EXOC2: variants seen among roughly 807,000 people sequenced by gnomAD.
EXOC2 encodes the protein exocyst complex component 2.
Under a neutral mutation model 131.8 loss-of-function variants are expected in EXOC2, and 70 were observed. That is an observed-to-expected ratio of 0.53 (90% CI 0.44 to 0.65). The LOEUF is 0.65. EXOC2 is among the 30% of genes least tolerant of loss of function. The pLI is 0.00. For synonymous variants in EXOC2, 411 were observed against 398.4 expected, an observed-to-expected ratio of 1.03 and a Z score of -0.38; for missense variants, 923 against 1,108.6, an observed-to-expected ratio of 0.83 and a Z score of 2.38.
chr6:560,809 G>C (rs1757659561), intron 17 of EXOC2, among the ~76,000 whole-genome samples: 1 of 151,756 alleles, frequency 6.6e-6, no homozygotes, highest in East Asian at 1.9e-4. Context: ...CCGGGTTCAA[G>C]TGATTCCCCT....
intron 13 of EXOC2, among the ~76,000 whole-genome samples, chr6:565,255 T>C (rs1201370378): frequency 6.6e-6 from 1 of 152,222 alleles, no homozygotes; most frequent in Non-Finnish European, 1.5e-5. Flanking sequence ...TCAGGTATCA[T>C]ACCCACGACA....
chr6:587,519 C>G (rs889646412), intron 11 of EXOC2, among the ~76,000 whole-genome samples: 1 of 152,244 alleles, frequency 6.6e-6, no homozygotes, highest in Admixed American at 6.5e-5. Flanking sequence ...GCTGGGATTA[C>G]AGGCGTGAGC....
intron 4 of EXOC2, among the ~76,000 whole-genome samples, chr6:628,243 G>A (rs1395161270): frequency 6.6e-6 from 1 of 152,190 alleles, no homozygotes; most frequent in Non-Finnish European, 1.5e-5. Flanking sequence ...AGTTCAAATT[G>A]AGAGAGTTTT....
At chr6:492,664 T>G (rs762496082) in intron 25 of EXOC2, among the ~76,000 whole-genome samples, 27 of 152,220 alleles carry the variant, frequency 1.8e-4, no homozygotes, top group Non-Finnish European at 3.5e-4. Context: ...CATATTTTCA[T>G]GTTTCCATTT....
chr6:585,723 T>C (rs1270491116), intron 11 of EXOC2, among the ~76,000 whole-genome samples: 2 of 152,332 alleles, frequency 1.3e-5, no homozygotes, highest in Non-Finnish European at 2.9e-5. Context: ...AATATTTATA[T>C]GTTAGATTTC....
intron 1 of EXOC2, among the ~76,000 whole-genome samples, chr6:666,337 C>T (rs1430745823): frequency 6.6e-6 from 1 of 152,206 alleles, no homozygotes; most frequent in Non-Finnish European, 1.5e-5. Flanking sequence ...TATGTAAAGG[C>T]ATCTTCACCA....
intron 1 of EXOC2, among the ~76,000 whole-genome samples, chr6:640,602 T>C (rs1193740): frequency 0.71 from 107,714 of 151,968 alleles, 38,795 homozygotes; most frequent in Middle Eastern, 0.88. Context: ...CATGGGTGGG[T>C]CCTAATCCAG....
At chr6:658,701 G>A (rs1467547740) in intron 1 of EXOC2, among the ~76,000 whole-genome samples, 5 of 114,832 alleles carry the variant, frequency 4.4e-5, no homozygotes, top group Non-Finnish European at 7.2e-5. Context: ...TGCTTTTGTC[G>A]CCCAGGCTAG....
intron 1 of EXOC2, among the ~76,000 whole-genome samples, chr6:690,834 G>A (rs1346646577): frequency 6.6e-6 from 1 of 152,212 alleles, no homozygotes; most frequent in African/African-American, 2.4e-5. Context: ...ATCACCATGT[G>A]ATTTCAGCAG....
chr6:524,471 C>T (rs1485067394), intron 23 of EXOC2, among the ~76,000 whole-genome samples: 1 of 152,138 alleles, frequency 6.6e-6, no homozygotes, highest in Non-Finnish European at 1.5e-5. Context: ...GTGCTTTGAT[C>T]TGCTAAAAAT....
intron 23 of EXOC2, among the ~76,000 whole-genome samples, chr6:500,355 A>T (rs1371461933): frequency 6.6e-6 from 1 of 152,216 alleles, no homozygotes; most frequent in African/African-American, 2.4e-5. Flanking sequence ...AAGTTCAATG[A>T]GCCTCACTTT....
intron 4 of EXOC2, among the ~76,000 whole-genome samples, chr6:627,937 A>G (rs976694630): frequency 6.6e-6 from 1 of 152,248 alleles, no homozygotes; most frequent in Non-Finnish European, 1.5e-5. Flanking sequence ...AAATGTACAT[A>G]ATGTTATTTT....
intron 1 of EXOC2, among the ~76,000 whole-genome samples, chr6:676,175 T>C (rs1764119135): frequency 3.2e-5 from 2 of 62,350 alleles, no homozygotes; most frequent in African/African-American, 4.8e-5. Context: ...AAAGGACAGG[T>C]TCCTCTGGAG....
chr6:507,508 T>C (rs1477668537), intron 23 of EXOC2, among the ~76,000 whole-genome samples: 1 of 152,016 alleles, frequency 6.6e-6, no homozygotes, highest in Non-Finnish European at 1.5e-5. Context: ...AGAAAGCAAA[T>C]GCATGAAATA....
chr6:675,135 G>C (rs1311442794), intron 1 of EXOC2, among the ~76,000 whole-genome samples: 1 of 152,118 alleles, frequency 6.6e-6, no homozygotes, highest in Non-Finnish European at 1.5e-5. Context: ...TCTTGGAACT[G>C]TGAGTAACAC....
intron 1 of EXOC2, 136 bp from the exon 2 acceptor site, chr6:637,997 T>C (rs1762179882): frequency 1.7e-6 from 1 of 585,106 alleles, no homozygotes; most frequent in South Asian, 2.3e-5. Context: ...TTAGGGGTCA[T>C]TTAGCCAATC....
At chr6:656,460 C>A (rs1420630800) in intron 1 of EXOC2, 5 of 1,612,640 alleles carry the variant, frequency 3.1e-6, no homozygotes, top group Non-Finnish European at 4.2e-6. Flanking sequence ...CAGCGTCCTC[C>A]AGCGCGGCAG....
At chr6:556,688 C>G in intron 17 of EXOC2, 124 bp from the exon 18 acceptor site, 1 of 1,004,528 alleles carries the variant, frequency 1.0e-6, no homozygotes, top group South Asian at 1.5e-5. Flanking sequence ...AACAGACACA[C>G]GATCTGAAAA....
intron 23 of EXOC2, among the ~76,000 whole-genome samples, chr6:507,065 C>CACACACACACACACAGCAGTGACTACAT (rs1561794288): frequency 7.8e-6 from 1 of 128,750 alleles, no homozygotes; most frequent in African/African-American, 2.8e-5. Context: ...GCAGTGATCC[C>CACACACACACACACAGCAGTGACTACAT]ACACACACAC....
Sources: allele counts gnomAD v4.1 joint callset (sites outside exome capture counted in the v4.1 genomes callset), GRCh38; gene constraint gnomAD v4.1.1; transcripts MANE v1.5; gene names NCBI Gene and HGNC (gene_info 2026-07-23, HGNC 2026-07-21).